ZRANB1: variants seen among roughly 807,000 people sequenced by gnomAD.
ZRANB1 encodes the protein ubiquitin thioesterase ZRANB1.
ZRANB1 carries 16 observed loss-of-function variants against 80.5 expected under a neutral mutation model. The ratio of observed to expected loss-of-function variants is 0.20; its 90% confidence interval spans 0.13 to 0.30. ZRANB1 has a LOEUF of 0.30. ZRANB1 is among the 10% of genes least tolerant of loss of function. ZRANB1 has a pLI of 1.00. For synonymous variants in ZRANB1, 291 were observed against 293.1 expected, an observed-to-expected ratio of 0.99 and a Z score of 0.07; for missense variants, 576 against 862.6, an observed-to-expected ratio of 0.67 and a Z score of 4.16.
intron 1 of ZRANB1, among the ~76,000 whole-genome samples, chr10:124,954,274 C>T (rs1476494593): frequency 6.6e-6 from 1 of 150,552 alleles, no homozygotes; most frequent in African/African-American, 2.4e-5. Context: ...GCGTGAGCCA[C>T]GGTGCCTGGC....
At chr10:124,981,005 G>C (rs977629967) in intron 5 of ZRANB1, among the ~76,000 whole-genome samples, 1 of 152,188 alleles carries the variant, frequency 6.6e-6, no homozygotes, top group Non-Finnish European at 1.5e-5. Context: ...AGATAAATGT[G>C]ATGTTATAAA....
At chr10:124,922,727 G>A in the ZRANB1 span, among the ~76,000 whole-genome samples, 6 of 150,954 alleles carry the variant, frequency 4.0e-5, no homozygotes, top group Non-Finnish European at 8.9e-5. Flanking sequence ...AACTGACCTC[G>A]TGATCTGCCC....
intron 1 of ZRANB1, among the ~76,000 whole-genome samples, chr10:124,955,123 T>C (rs558180317): frequency 6.6e-6 from 1 of 151,440 alleles, no homozygotes; most frequent in African/African-American, 2.4e-5. Context: ...AGACTCTGTC[T>C]CAAAAAAACA....
chr10:124,949,659 G>A (rs902611055), intron 1 of ZRANB1, among the ~76,000 whole-genome samples: 2 of 151,494 alleles, frequency 1.3e-5, no homozygotes, highest in Non-Finnish European at 1.5e-5. Context: ...GTAGCTGGGC[G>A]TACAGGTGTA....
Position 124,943,203 on chromosome 10 carries a change from G to A in ZRANB1, c.710G>A (p.Gly237Asp). 2 of 1,614,232 alleles carry A rather than the reference G, an allele frequency of 1.2e-6. No individual in the cohort carries two copies. Among genetic ancestry groups the A allele is most frequent in the Non-Finnish European group, 1.7e-6 (2 of 1,180,054 alleles). The change falls in exon 1 of 9, where the codon GGT (glycine) becomes GAT (aspartate). Residue 237 changes from glycine to aspartate, a missense_variant. Around this residue, in one of 3 missense-constraint regions of ZRANB1, gnomAD observed 411 missense variants for 583.1 expected, o/e 0.70. Coordinates refer to ENST00000359653, the MANE Select transcript of ZRANB1 (RefSeq NM_017580.3). ...GATTTTCAGAGGATTGAATTGGCTG[G>A]TGCTGTGGGAAGCAAGGAGGAACTT... is the stretch of plus-strand genomic sequence containing the variant. ...KMDFQRIELA[G>D]AVGSKEELEV...
upstream of ZRANB1, among the ~76,000 whole-genome samples, chr10:124,937,715 T>C (rs1459698003): frequency 6.6e-6 from 1 of 152,222 alleles, no homozygotes; most frequent in Non-Finnish European, 1.5e-5. Flanking sequence ...GCACTTTTAT[T>C]ATCTGAATTG....
At chr10:124,931,267 T>G in the ZRANB1 span, among the ~76,000 whole-genome samples, 2 of 152,056 alleles carry the variant, frequency 1.3e-5, no homozygotes, top group Non-Finnish European at 1.5e-5. Context: ...AGATGGAGTC[T>G]CACTATGTTG....
chr10:124,930,025 C>G, the ZRANB1 span, among the ~76,000 whole-genome samples: 11 of 151,410 alleles, frequency 7.3e-5, no homozygotes, highest in Admixed American at 5.9e-4. Flanking sequence ...TGTTCTTTAC[C>G]TAAAGCTCCG....
chr10:124,922,300 AAT>A, the ZRANB1 span, among the ~76,000 whole-genome samples: 11 of 24,876 alleles, frequency 4.4e-4, no homozygotes, highest in South Asian at 2.2e-3. Flanking sequence ...ATATATGTAA[AAT>A]ATATATATAT....
chr10:124,930,785 A>C, the ZRANB1 span, among the ~76,000 whole-genome samples: 2 of 152,180 alleles, frequency 1.3e-5, no homozygotes, highest in Non-Finnish European at 2.9e-5. Flanking sequence ...CTGTAAACCC[A>C]GCACTTTGGA....
intron 5 of ZRANB1, among the ~76,000 whole-genome samples, chr10:124,975,731 G>A (rs1157264719): frequency 6.6e-6 from 1 of 152,210 alleles, no homozygotes; most frequent in Non-Finnish European, 1.5e-5. Flanking sequence ...GCTGGGGTTT[G>A]TGGCTCATGC....
chr10:124,968,777 G>A (rs758999740), intron 2 of ZRANB1, among the ~76,000 whole-genome samples: 3 of 152,190 alleles, frequency 2.0e-5, no homozygotes, highest in Non-Finnish European at 4.4e-5. Flanking sequence ...TTTTAGAGGG[G>A]CCATTGTGAG....
chr10:124,916,910 C>G, the ZRANB1 span, among the ~76,000 whole-genome samples: 3 of 152,020 alleles, frequency 2.0e-5, no homozygotes, highest in Admixed American at 2.0e-4. Flanking sequence ...CTCCGGGTCC[C>G]TCGGCCGCCG....
intron 1 of ZRANB1, among the ~76,000 whole-genome samples, chr10:124,949,954 A>G (rs1038746164): frequency 5.9e-5 from 9 of 152,298 alleles, no homozygotes; most frequent in Admixed American, 2.0e-4. Context: ...TTGAAAATCA[A>G]TGACTTACGG....
intron 2 of ZRANB1, among the ~76,000 whole-genome samples, chr10:124,969,638 C>T (rs1249312603): frequency 1.3e-5 from 2 of 152,022 alleles, no homozygotes; most frequent in Non-Finnish European, 2.9e-5. Context: ...AATGAGATTA[C>T]AAAGGAAATC....
intron 2 of ZRANB1, among the ~76,000 whole-genome samples, chr10:124,969,800 C>G (rs889058283): frequency 1.3e-5 from 2 of 152,152 alleles, no homozygotes; most frequent in African/African-American, 2.4e-5. Flanking sequence ...TTCCCAAGAT[C>G]ATGGACCCTA....
At chr10:124,978,443 A>G (rs1386734418) in intron 5 of ZRANB1, among the ~76,000 whole-genome samples, 1 of 152,078 alleles carries the variant, frequency 6.6e-6, no homozygotes, top group Admixed American at 6.5e-5. Flanking sequence ...AAGATAGGCT[A>G]TTTGTGTTTG....
In ZRANB1 at chr10:124,986,281, G is replaced by GCACACACACACACACACACACA. The variant is rs773324540; in HGVS notation, c.*1290_*1291insACACACACACACACACACACAC. 1 of 102,902 alleles carries GCACACACACACACACACACACA rather than the reference G, an allele frequency of 9.7e-6. No individual in the cohort carries two copies. The highest frequency in any genetic ancestry group is 3.9e-5 in the African/African-American group (1 of 25,792). The allele number at this position is 102,902 out of a possible 1,614,324, so 6.4% of individuals were successfully genotyped here. A position where few individuals can be genotyped will look rare whatever the true frequency, so the allele number is the denominator to read the frequency against. ...GAATTTGGAAAGACGACACACGCAC[G>GCACACACACACACACACACACA]CGCGCGCGCGCACACACACACACAC... On this transcript the variant is annotated 3_prime_UTR_variant, in exon 9 of 9. Transcript: ENST00000359653.
intron 6 of ZRANB1, 28 bp downstream of exon 6, chr10:124,981,857 C>T (rs1329852561): frequency 6.2e-7 from 1 of 1,611,080 alleles, no homozygotes; most frequent in Admixed American, 1.7e-5. Context: ...CTTGTTGCTT[C>T]TATGAGAAAA....
Sources: allele counts gnomAD v4.1 joint callset (sites outside exome capture counted in the v4.1 genomes callset), GRCh38; gene constraint gnomAD v4.1.1; regional missense constraint gnomAD v4.1.1; transcripts MANE v1.5; gene names NCBI Gene and HGNC (gene_info 2026-07-23, HGNC 2026-07-21).